Variants in NAPEPLD observed in about 807,000 individuals in gnomAD.
NAPEPLD encodes the protein N-acyl-phosphatidylethanolamine-hydrolyzing phospholipase D.
NAPEPLD carries 23 observed loss-of-function variants against 38.1 expected under a neutral mutation model. The ratio of observed to expected loss-of-function variants is 0.60; its 90% CI spans 0.43 to 0.86. The LOEUF is 0.86. Among genes scored for constraint, NAPEPLD ranks in the 40% least tolerant of loss-of-function variants. The pLI, the probability that NAPEPLD is intolerant of heterozygous loss-of-function variation, is 0.00. For missense variants in NAPEPLD, 411 were observed against 476.8 expected (o/e 0.86, Z 1.28); for synonymous variants, 147 against 162.0 (o/e 0.91, Z 0.71).
chr7:103,105,406 C>T (rs1803108923), intron 4 of NAPEPLD, among the ~76,000 whole-genome samples: 1 of 152,060 alleles, frequency 6.6e-6, no homozygotes, highest in Non-Finnish European at 1.5e-5. Context: ...AGTAAAGACC[C>T]GGATCACTTG....
chr7:103,136,838 G>A lies in NAPEPLD; in HGVS notation c.-16-8046C>T, dbSNP rs6958653. Among the ~76,000 whole-genome samples the A allele has an allele frequency of 6.3e-3, 953 of 151,996 alleles. 10 individuals are homozygous for A. The highest frequency in any genetic ancestry group is 0.041 in the East Asian group (215 of 5,184). ...CTTTTGTTAAAACTTCAAATTTGTC[G>A]CAAAGCATTCATCCAATTATAGACA... On this transcript the variant is annotated intron_variant, in intron 1 of 4. Transcript: ENST00000465647.
intron 1 of NAPEPLD, chr7:103,148,033 C>T (rs1812934853): frequency 1.0e-6 from 1 of 984,826 alleles, no homozygotes; most frequent in Non-Finnish European, 1.2e-6. Flanking sequence ...TATAGGTAAT[C>T]TTCTTTTTAA....
At position 103,103,384 on chromosome 7, in the gene NAPEPLD, C is replaced by T; in HGVS notation, c.*45G>A. 2.6e-6 allele frequency: 4 copies of T among 1,517,762 alleles called. No homozygotes were observed. Among genetic ancestry groups the T allele is most frequent in the Middle Eastern group, 2.5e-4 (1 of 4,066 alleles). The allele number at this position is 1,517,762 out of a possible 1,614,324, so 94.0% of individuals were successfully genotyped here. On this transcript the variant is annotated 3_prime_UTR_variant, in exon 5 of 5. Coordinates refer to ENST00000465647, the MANE Select transcript of NAPEPLD (RefSeq NM_001122838.3). ...CTAAGTCTTTTCATTTGTTTTTAAA[C>T]TTAGATGATGCCTTTTTCATTAAAA...
intron 2 of NAPEPLD, among the ~76,000 whole-genome samples, chr7:103,120,695 A>ATTT (rs1563355903): frequency 5.2e-3 from 171 of 32,624 alleles, no homozygotes; most frequent in Non-Finnish European, 8.1e-3. Context: ...TGAATCTGAT[A>ATTT]TTTTTCTTTT....
rs968298983 is a variant in NAPEPLD at position 103,132,191 on chromosome 7, A to G, written c.-16-3399T>C. 3.3e-5 allele frequency among the ~76,000 whole-genome samples: 5 copies of G among 152,352 alleles called. 1 individual carries two copies. Among genetic ancestry groups the G allele is most frequent in the Admixed American group, 2.6e-4 (4 of 15,298 alleles). ...AAACAGAAGAAGCCTAGAACACCCA[A>G]TAACACTGAACCACCATGCCACATA... On this transcript the variant is annotated intron_variant, in intron 1 of 4. Transcript: ENST00000465647.
At position 103,101,609 on chromosome 7, in the gene NAPEPLD, C is replaced by T. The variant is rs1802409144; in HGVS notation, c.*1820G>A. ...TTTCTCCCTTATATTTTCTAAAGTG[C>T]TTTAAAAACTCATTTAATCTACACA... On this transcript the variant is annotated 3_prime_UTR_variant, in exon 5 of 5. Transcript: ENST00000465647. 1 of 152,376 alleles carries T rather than the reference C, an allele frequency of 6.6e-6. No individual in the cohort carries two copies. The highest frequency in any genetic ancestry group is 1.5e-5 in the Non-Finnish European group (1 of 67,990). The allele number at this position is 152,376 out of a possible 1,614,324, so 9.4% of individuals were successfully genotyped here.
intron 1 of NAPEPLD, among the ~76,000 whole-genome samples, chr7:103,135,516 A>G (rs1809841159): frequency 6.6e-6 from 1 of 152,192 alleles, no homozygotes; most frequent in African/African-American, 2.4e-5. Flanking sequence ...TATGTATACA[A>G]CATTCATCAA....
chr7:103,149,361 C>A, upstream of NAPEPLD: 9 of 1,159,626 alleles, frequency 7.8e-6, no homozygotes, highest in Non-Finnish European at 9.7e-6. Flanking sequence ...AGCGCCGCCG[C>A]GTAGCGGGAG....
intron 4 of NAPEPLD, among the ~76,000 whole-genome samples, chr7:103,112,729 G>C (rs1804784880): frequency 6.6e-6 from 1 of 151,652 alleles, no homozygotes. Flanking sequence ...TTCTGCACAT[G>C]TATCCCAGAA....
intron 1 of NAPEPLD, among the ~76,000 whole-genome samples, chr7:103,146,219 C>T (rs1812523443): frequency 6.6e-6 from 1 of 152,110 alleles, no homozygotes; most frequent in African/African-American, 2.4e-5. Context: ...GTGGCACATG[C>T]CTGTAATTCC....
upstream of NAPEPLD, among the ~76,000 whole-genome samples, chr7:103,149,979 T>C (rs867739881): frequency 2.6e-5 from 4 of 152,294 alleles, no homozygotes; most frequent in Middle Eastern, 3.4e-3. Flanking sequence ...CACTGTGTGA[T>C]CGTTTACTTT....
chr7:103,137,832 A>AAAG (rs1563369051), intron 1 of NAPEPLD, among the ~76,000 whole-genome samples: 2 of 143,640 alleles, frequency 1.4e-5, no homozygotes, highest in Admixed American at 7.0e-5. Flanking sequence ...AAAAAAAAAA[A>AAAG]AAAAGAAAAA....
At chr7:103,139,332 G>A (rs1810726592) in intron 1 of NAPEPLD, among the ~76,000 whole-genome samples, 1 of 152,000 alleles carries the variant, frequency 6.6e-6, no homozygotes. Flanking sequence ...AATCCATTAG[G>A]GAAAAAAATC....
At chr7:103,141,741 T>C (rs1811424870) in intron 1 of NAPEPLD, 1 of 854,830 alleles carries the variant, frequency 1.2e-6, no homozygotes, top group Admixed American at 1.7e-5. Context: ...CAGGCCAAGG[T>C]GTTTTTCCGG....
At chr7:103,145,985 ACACG>A (rs1812468093) in intron 1 of NAPEPLD, among the ~76,000 whole-genome samples, 1 of 151,986 alleles carries the variant, frequency 6.6e-6, no homozygotes, top group Non-Finnish European at 1.5e-5. Context: ...ACACACACAC[ACACG>A]CACGCACACA....
chr7:103,146,262 T>C (rs1320692860), intron 1 of NAPEPLD, among the ~76,000 whole-genome samples: 2 of 152,094 alleles, frequency 1.3e-5, no homozygotes, highest in Admixed American at 6.5e-5. Context: ...TGAGTATCGC[T>C]TGAACACACG....
At chr7:103,108,432 C>T (rs6465892) in intron 4 of NAPEPLD, among the ~76,000 whole-genome samples, 134,944 of 152,218 alleles carry the variant, frequency 0.89, 62,066 homozygotes, top group East Asian at 1. Context: ...TGAGCCACCA[C>T]GCCCAGCTCA....
At chr7:103,118,731 T>C (rs1806036117) in intron 3 of NAPEPLD, among the ~76,000 whole-genome samples, 1 of 152,260 alleles carries the variant, frequency 6.6e-6, no homozygotes, top group Non-Finnish European at 1.5e-5. Context: ...CAGAGTTGAC[T>C]GAAATCTAAC....
chr7:103,122,386 G>A (rs1328814969), intron 2 of NAPEPLD, among the ~76,000 whole-genome samples: 1 of 152,044 alleles, frequency 6.6e-6, no homozygotes, highest in South Asian at 2.1e-4. Context: ...CAGTTGCCAA[G>A]ATATGAAGAG....
Sources: gnomAD v4.1 joint callset for allele counts (sites outside exome capture counted in the v4.1 genomes callset) on GRCh38, gnomAD v4.1.1 for gene constraint, MANE v1.5 for transcripts, NCBI Gene and HGNC (gene_info 2026-07-23, HGNC 2026-07-21) for gene names.